MAGI3: variants seen among roughly 807,000 people sequenced by gnomAD.
MAGI3 encodes the protein membrane associated guanylate kinase, WW and PDZ domain containing 3, also known as membrane-associated guanylate kinase, WW and PDZ domain-containing protein 3.
MAGI3 carries 43 observed loss-of-function variants against 121.8 expected under a neutral mutation model. The observed-to-expected ratio is 0.35, with a 90% CI of 0.28 to 0.46. The LOEUF (loss-of-function observed/expected upper bound fraction) is 0.46, where lower values mean the gene tolerates loss of function less well. MAGI3 is among the 20% of genes least tolerant of loss of function. The probability of loss-of-function intolerance (pLI) is 1.00; values close to 1 mark genes in which losing one functional copy is unlikely to be tolerated. For synonymous variants in MAGI3, 553 were observed against 639.3 expected (o/e 0.86, Z 2.04); for missense variants, 1,547 against 1,797.3 (o/e 0.86, Z 2.52).
intron 19 of MAGI3, among the ~76,000 whole-genome samples, chr1:113,679,256 C>T (rs1648065025): frequency 6.6e-6 from 1 of 152,054 alleles, no homozygotes; most frequent in Non-Finnish European, 1.5e-5. Flanking sequence ...CCCTCTCCTT[C>T]CCTCCCCCCA....
At chr1:113,636,579 T>C (rs1652039483) in intron 9 of MAGI3, among the ~76,000 whole-genome samples, 1 of 152,146 alleles carries the variant, frequency 6.6e-6, no homozygotes, top group African/African-American at 2.4e-5. Flanking sequence ...TTGATTGCAC[T>C]GTGGTCTGAG....
intron 2 of MAGI3, among the ~76,000 whole-genome samples, chr1:113,571,878 C>G (rs566660786): frequency 2.2e-4 from 33 of 152,208 alleles, no homozygotes; most frequent in Non-Finnish European, 3.8e-4. Flanking sequence ...ATTTGAATAC[C>G]CTTTATTTCT....
At chr1:113,666,835 A>G (rs904328628) in intron 16 of MAGI3, among the ~76,000 whole-genome samples, 2 of 152,214 alleles carry the variant, frequency 1.3e-5, no homozygotes, top group Non-Finnish European at 1.5e-5. Context: ...TCCTTGATCC[A>G]TGGGCTACAG....
At chr1:113,565,081 C>T (rs1660388438) in intron 2 of MAGI3, among the ~76,000 whole-genome samples, 1 of 151,648 alleles carries the variant, frequency 6.6e-6, no homozygotes, top group Non-Finnish European at 1.5e-5. Context: ...AACTCCTGAC[C>T]TCAGGTGATC....
chr1:113,623,136 C>T, intron 9 of MAGI3, 142 bp downstream of exon 9: 2 of 579,008 alleles, frequency 3.5e-6, no homozygotes, highest in South Asian at 4.8e-5. Context: ...ATAGTTTATA[C>T]TTTAATTTAA....
At position 113,671,852 on chromosome 1, in the gene MAGI3, G is replaced by C. The variant is rs1034985170; in HGVS notation, c.2918+16G>C. 5 of 1,612,000 alleles carry C rather than the reference G, an allele frequency of 3.1e-6. No homozygotes were observed. In the East Asian group the frequency reaches 6.7e-5, roughly 22 times the overall value. ...CTGGGGACAGGTGGGGCTATTTTCA[G>C]GTTTTTGTTTTTGTTTTTTTCTTAT... On this transcript the variant is annotated intron_variant, in intron 17 of 20. Coordinates refer to ENST00000307546, the MANE Select transcript of MAGI3 (RefSeq NM_001142782.2).
At chr1:113,600,735 T>C in intron 6 of MAGI3, among the ~76,000 whole-genome samples, 1 of 152,192 alleles carries the variant, frequency 6.6e-6, no homozygotes, top group South Asian at 2.1e-4. Context: ...AAAGTTCATA[T>C]GGAACCAAAA....
At chr1:113,619,856 T>G (rs1281948735) in intron 8 of MAGI3, 26 bp downstream of exon 8, 1 of 1,510,022 alleles carries the variant, frequency 6.6e-7, no homozygotes, top group African/African-American at 1.4e-5. Flanking sequence ...AATCTTTTCT[T>G]CTAAGAATAA....
intron 1 of MAGI3, among the ~76,000 whole-genome samples, chr1:113,472,666 G>A (rs1365156507): frequency 1.3e-5 from 2 of 150,820 alleles, no homozygotes; most frequent in Non-Finnish European, 3.0e-5. Flanking sequence ...CTACAGGTGT[G>A]TGTGTGTGTG....
intron 5 of MAGI3, among the ~76,000 whole-genome samples, chr1:113,594,025 A>G (rs982828215): frequency 2.0e-5 from 3 of 152,162 alleles, no homozygotes; most frequent in African/African-American, 7.2e-5. Flanking sequence ...ATTTATCTTT[A>G]TATTCCAGCT....
chr1:113,564,758 C>G (rs1334368804), intron 2 of MAGI3, among the ~76,000 whole-genome samples: 5 of 151,906 alleles, frequency 3.3e-5, no homozygotes, highest in Admixed American at 3.3e-4. Context: ...AAATAAAAAT[C>G]ATTTAAAATT....
intron 1 of MAGI3, among the ~76,000 whole-genome samples, chr1:113,472,204 G>GTTTTT (rs752606893): frequency 7.3e-6 from 1 of 137,812 alleles, no homozygotes; most frequent in Non-Finnish European, 1.6e-5. Flanking sequence ...GATAGATCTT[G>GTTTTT]TTTTTTTTTT....
chr1:113,669,695 A>C (rs1017028229), intron 16 of MAGI3, among the ~76,000 whole-genome samples: 2 of 151,888 alleles, frequency 1.3e-5, no homozygotes, highest in South Asian at 4.2e-4. Flanking sequence ...ACACCCAACT[A>C]ATTTTTGTAT....
chr1:113,527,629 A>G (rs1393608894), intron 1 of MAGI3, among the ~76,000 whole-genome samples: 2 of 152,202 alleles, frequency 1.3e-5, no homozygotes, highest in Non-Finnish European at 2.9e-5. Context: ...GGGCAGCTAG[A>G]TGAAAGAAAA....
chr1:113,612,196 C>T (rs2101771661), intron 6 of MAGI3, among the ~76,000 whole-genome samples: 1 of 152,236 alleles, frequency 6.6e-6, no homozygotes, highest in South Asian at 2.1e-4. Flanking sequence ...CCCGCCTTGG[C>T]CTCCCAAAGT....
At chr1:113,531,396 A>T (rs1161922757) in intron 1 of MAGI3, among the ~76,000 whole-genome samples, 4 of 152,082 alleles carry the variant, frequency 2.6e-5, no homozygotes. Flanking sequence ...TCTATGTAGA[A>T]TGCACCCCCT....
intron 8 of MAGI3, among the ~76,000 whole-genome samples, chr1:113,621,988 G>C (rs1438868688): frequency 6.6e-6 from 1 of 152,126 alleles, no homozygotes; most frequent in Admixed American, 6.5e-5. Flanking sequence ...CTGCTAATGG[G>C]CATGGGGATT....
At chr1:113,461,320 C>T (rs1655021397) in intron 1 of MAGI3, among the ~76,000 whole-genome samples, 1 of 152,078 alleles carries the variant, frequency 6.6e-6, no homozygotes, top group African/African-American at 2.4e-5. Context: ...ATCATGTTAC[C>T]CAACTTCCAA....
chr1:113,440,293 C>T (rs1237974199), intron 1 of MAGI3, among the ~76,000 whole-genome samples: 1 of 152,102 alleles, frequency 6.6e-6, no homozygotes. Context: ...GAAAAACTTA[C>T]AGTGGCTTAC....
Sources: allele counts gnomAD v4.1 joint callset (sites outside exome capture counted in the v4.1 genomes callset), GRCh38; gene constraint gnomAD v4.1.1; transcripts MANE v1.5; gene names NCBI Gene and HGNC (gene_info 2026-07-23, HGNC 2026-07-21).